The following ZNF469 variants were observed in gnomAD, a reference collection of about 807,000 sequenced individuals.
ZNF469 encodes the protein zinc finger protein 469.
A neutral mutation model predicts 1.0 loss-of-function variants in ZNF469; 1 was observed. The observed-to-expected ratio is 1.00, with a 90% CI of 0.35 to 4.73. ZNF469 has a LOEUF of 4.73. Ranked by LOEUF, ZNF469 falls within the 30% of genes most tolerant of loss-of-function variation. The pLI is 0.16. For missense variants in ZNF469, 6,100 were observed against 5,356.3 expected, an observed-to-expected ratio of 1.14 and a Z score of -4.33; for synonymous variants, 2,703 against 2,363.4, an observed-to-expected ratio of 1.14 and a Z score of -4.17.
At chr16:88,344,107 C>A in the ZNF469 span, among the ~76,000 whole-genome samples, 1 of 152,058 alleles carries the variant, frequency 6.6e-6, no homozygotes, top group Non-Finnish European at 1.5e-5. Context: ...AGAGACTCTA[C>A]AAAACACCTG....
the ZNF469 span, among the ~76,000 whole-genome samples, chr16:88,227,228 CG>C: frequency 3.3e-5 from 5 of 152,298 alleles, no homozygotes; most frequent in South Asian, 1.0e-3. Context: ...TACATAAGGG[CG>C]GGCACCTGAC....
intron 1 of ZNF469, among the ~76,000 whole-genome samples, chr16:88,389,445 T>C (rs1351344887): frequency 6.6e-6 from 1 of 152,248 alleles, no homozygotes; most frequent in East Asian, 1.9e-4. Context: ...GTCTGGCTGT[T>C]GTGAGTCCAG....
chr16:88,240,465 T>A, the ZNF469 span, among the ~76,000 whole-genome samples: 1 of 152,094 alleles, frequency 6.6e-6, no homozygotes, highest in Non-Finnish European at 1.5e-5. Flanking sequence ...ATGGGATCGG[T>A]CACGGGCATG....
the ZNF469 span, among the ~76,000 whole-genome samples, chr16:88,279,621 C>T: frequency 0.41 from 10,243 of 24,962 alleles, 1,570 homozygotes; most frequent in East Asian, 0.69. Context: ...CGGTTAGTGC[C>T]GCGCCACACT....
chr16:88,282,071 G>A, the ZNF469 span, among the ~76,000 whole-genome samples: 1 of 152,096 alleles, frequency 6.6e-6, no homozygotes, highest in African/African-American at 2.4e-5. Context: ...GGGTTGGTAT[G>A]AGCTGGCATT....
the ZNF469 span, among the ~76,000 whole-genome samples, chr16:88,293,881 G>A: frequency 5.9e-5 from 9 of 152,240 alleles, no homozygotes; most frequent in South Asian, 1.2e-3. Context: ...CTTAGCCTTC[G>A]GTCTCTCTCC....
At chr16:88,252,936 T>G in the ZNF469 span, among the ~76,000 whole-genome samples, 1 of 152,244 alleles carries the variant, frequency 6.6e-6, no homozygotes, top group Non-Finnish European at 1.5e-5. Context: ...TTTCTTGAAC[T>G]TCCTTTAAGC....
At chr16:88,382,624 C>T (rs2092528123), upstream of ZNF469, among the ~76,000 whole-genome samples, 1 of 152,212 alleles carries the variant, frequency 6.6e-6, no homozygotes, top group African/African-American at 2.4e-5. Flanking sequence ...AGCACAGGGA[C>T]AAGCGTGTCA....
rs1018409287 is a variant in ZNF469 at position 88,431,149 on chromosome 16, G to A, written c.3679G>A (p.Glu1227Lys). The change falls in exon 3 of 3, where the codon GAG becomes AAG. Residue 1227 changes from glutamate to lysine, a missense_variant. Glu to Lys is a moderately conservative substitution (Grantham distance 56). Transcript: ENST00000565624. ...PSLDFPQEAK[E>K]PETAEESAPD... ...GCTGGACTTTCCCCAGGAGGCCAAG[G>A]AGCCTGAAACTGCCGAAGAGTCAGC... 10 of 1,550,292 alleles carry A rather than the reference G, an allele frequency of 6.5e-6. No homozygotes were observed. Among genetic ancestry groups the A allele is most frequent in the Non-Finnish European group, 7.8e-6 (9 of 1,146,960 alleles).
chr16:88,297,821 G>A, the ZNF469 span, among the ~76,000 whole-genome samples: 3 of 152,162 alleles, frequency 2.0e-5, no homozygotes, highest in East Asian at 1.9e-4. Flanking sequence ...ACAAGGACAC[G>A]TTTGCAGGGT....
At chr16:88,414,060 G>C (rs1905244308) in intron 1 of ZNF469, among the ~76,000 whole-genome samples, 1 of 152,302 alleles carries the variant, frequency 6.6e-6, no homozygotes, top group African/African-American at 2.4e-5. Context: ...TACACCCTCG[G>C]GTCTGGGACT....
At chr16:88,132,386 C>T in the ZNF469 span, among the ~76,000 whole-genome samples, 1 of 152,368 alleles carries the variant, frequency 6.6e-6, no homozygotes, top group African/African-American at 2.4e-5. Context: ...CCCATCGCTC[C>T]CTCCTGGGTG....
intron 1 of ZNF469, among the ~76,000 whole-genome samples, chr16:88,398,212 C>G (rs1182441485): frequency 6.6e-6 from 1 of 152,126 alleles, no homozygotes; most frequent in Non-Finnish European, 1.5e-5. Context: ...CCTCCACCAC[C>G]CTCCTCACTA....
chr16:88,408,043 G>T (rs969742221), intron 1 of ZNF469, among the ~76,000 whole-genome samples: 10 of 152,254 alleles, frequency 6.6e-5, no homozygotes, highest in Non-Finnish European at 1.3e-4. Flanking sequence ...TGCTGGCCAG[G>T]AAGCTCAGAG....
intron 1 of ZNF469, among the ~76,000 whole-genome samples, chr16:88,402,597 GCTCAGACCCCTTTGCAGTTGA>G (rs1426398624): frequency 6.6e-6 from 1 of 152,190 alleles, no homozygotes; most frequent in Non-Finnish European, 1.5e-5. Flanking sequence ...GCTGGTTGCA[GCTCAGACCCCTTTGCAGTTGA>G]CCTGGGTCTG....
chr16:88,289,514 TTAAG>T, the ZNF469 span, among the ~76,000 whole-genome samples: 1 of 152,210 alleles, frequency 6.6e-6, no homozygotes, highest in African/African-American at 2.4e-5. Flanking sequence ...TTGTTCTCTG[TTAAG>T]TAAGTACTAT....
At chr16:88,348,229 T>C in the ZNF469 span, among the ~76,000 whole-genome samples, 6 of 152,180 alleles carry the variant, frequency 3.9e-5, no homozygotes, top group African/African-American at 1.4e-4. Flanking sequence ...CCTTCCTGCC[T>C]CTTCTGGCTC....
chr16:88,246,341 A>T, the ZNF469 span, among the ~76,000 whole-genome samples: 1 of 152,292 alleles, frequency 6.6e-6, no homozygotes, highest in African/African-American at 2.4e-5. Context: ...TACCCAGGAG[A>T]CTGGCAGAAA....
upstream of ZNF469, among the ~76,000 whole-genome samples, chr16:88,381,278 T>G (rs1322015266): frequency 8.5e-6 from 1 of 117,934 alleles, no homozygotes; most frequent in Admixed American, 8.3e-5. Context: ...AGACATGCAC[T>G]CACACACACG....
Sources: allele counts gnomAD v4.1 joint callset (sites outside exome capture counted in the v4.1 genomes callset), GRCh38; gene constraint gnomAD v4.1.1; transcripts MANE v1.5; gene names NCBI Gene and HGNC (gene_info 2026-07-23, HGNC 2026-07-21).